SHANK2: variants seen among roughly 807,000 people sequenced by gnomAD.
SHANK2 encodes the protein SH3 and multiple ankyrin repeat domains 2, also known as SH3 and multiple ankyrin repeat domains protein 2.
In SHANK2, 43 loss-of-function variants were observed where a neutral mutation model predicts 133.7. The observed-to-expected ratio is 0.32, with a 90% confidence interval of 0.25 to 0.41. The LOEUF (loss-of-function observed/expected upper bound fraction) is 0.41, where lower values mean the gene tolerates loss of function less well. Among genes scored for constraint, SHANK2 ranks in the 10% least tolerant of loss-of-function variants. SHANK2 has a pLI of 1.00. For synonymous variants in SHANK2, 1,017 were observed against 952.8 expected (o/e 1.07, Z -1.24); for missense variants, 1,994 against 2,235.8 (o/e 0.89, Z 2.18).
intron 2 of SHANK2, among the ~76,000 whole-genome samples, chr11:71,155,275 G>A (rs1241616135): frequency 1.1e-5 from 1 of 94,910 alleles, no homozygotes; most frequent in South Asian, 4.3e-4. Context: ...CCCAGCCCAC[G>A]CTCCCAGAGG....
At position 71,168,400 on chromosome 11, in the gene SHANK2, G is replaced by A. The variant is rs1953231806; in HGVS notation, c.-12-21062C>T. The stretch of plus-strand genomic sequence containing the variant: ...AGACGATGGGCGGCCGGGCAGAGAC[G>A]CTCCTCACTTCCCAGACGGGGTGGC... On this transcript the variant is annotated intron_variant, in intron 2 of 25. Coordinates refer to ENST00000601538, the MANE Select transcript of SHANK2 (RefSeq NM_012309.5). Among the ~76,000 whole-genome samples, 4 of 151,480 alleles carry A rather than the reference G, an allele frequency of 2.6e-5. No individual in the cohort carries two copies. The South Asian group carries it at 8.4e-4, about 32-fold the overall frequency.
In SHANK2 at chr11:70,473,511, C is replaced by T. The variant is rs1555149366; in HGVS notation, c.4980-72G>A. 1 of 1,507,932 alleles carries T rather than the reference C, an allele frequency of 6.6e-7. No homozygotes were observed. The allele number at this position is 1,507,932 out of a possible 1,614,324, so 93.4% of individuals were successfully genotyped here. On this transcript the variant is annotated intron_variant, in intron 25 of 25. Coordinates refer to ENST00000601538, the MANE Select transcript of SHANK2 (RefSeq NM_012309.5). This position sits in a 1 kb window ranked among gnomAD's most constrained non-coding sequence, Gnocchi z 5.9. The stretch of plus-strand genomic sequence containing the variant: ...TCAGGGCAGCTGGCTGCAGATCACC[C>T]AGGAAGGCGAGGGAGACGCCCAAAC...
At chr11:70,477,577 G>A (rs1171034205) in intron 25 of SHANK2, 6 of 152,206 alleles carry the variant, frequency 3.9e-5, no homozygotes, top group African/African-American at 1.4e-4. Context: ...TACCTCAGGT[G>A]CCTGAACTGT....
At chr11:70,533,346 T>C (rs1455225663) in intron 17 of SHANK2, among the ~76,000 whole-genome samples, 1 of 152,230 alleles carries the variant, frequency 6.6e-6, no homozygotes, top group Non-Finnish European at 1.5e-5. Context: ...TGCCTTGGCC[T>C]CCCAAAGTGT....
At chr11:70,545,111 G>A (rs772941344) in intron 17 of SHANK2, among the ~76,000 whole-genome samples, 14 of 152,260 alleles carry the variant, frequency 9.2e-5, no homozygotes, top group African/African-American at 2.9e-4. Context: ...GAGGGGTTGC[G>A]CTCTGATTCC....
intron 4 of SHANK2, among the ~76,000 whole-genome samples, chr11:71,118,102 C>G (rs1389216506): frequency 3.9e-5 from 6 of 152,120 alleles, no homozygotes; most frequent in Non-Finnish European, 7.4e-5. Flanking sequence ...TAAAACCCCT[C>G]AGAGAAGCAT....
chr11:70,800,818 G>A (rs1948027773), intron 13 of SHANK2, among the ~76,000 whole-genome samples: 1 of 152,202 alleles, frequency 6.6e-6, no homozygotes. Flanking sequence ...GGGCTGCAAA[G>A]GGAGGCCAAG....
intron 3 of SHANK2, among the ~76,000 whole-genome samples, chr11:71,125,653 T>C (rs782553029): frequency 1.3e-5 from 2 of 152,198 alleles, no homozygotes; most frequent in Non-Finnish European, 2.9e-5. Context: ...CAAGTGCTGA[T>C]GGAGAAGCTG....
intron 17 of SHANK2, among the ~76,000 whole-genome samples, chr11:70,629,129 C>T (rs2060944077): frequency 6.6e-6 from 1 of 152,178 alleles, no homozygotes; most frequent in South Asian, 2.1e-4. Flanking sequence ...CCCGGGCACC[C>T]TCCCTCCTCT....
intron 1 of SHANK2, among the ~76,000 whole-genome samples, chr11:71,234,182 C>CT (rs1954792667): frequency 5.3e-5 from 2 of 37,652 alleles, no homozygotes; most frequent in Non-Finnish European, 7.9e-5. Context: ...TCCCTCTCTA[C>CT]TAAAAAAAAA....
chr11:71,098,219 CTGTG>C (rs551928433), intron 6 of SHANK2, among the ~76,000 whole-genome samples: 1 of 146,488 alleles, frequency 6.8e-6, no homozygotes, highest in African/African-American at 2.5e-5. Flanking sequence ...GTGTGCATGC[CTGTG>C]TGTCTACATG....
At position 70,698,748 on chromosome 11, in the gene SHANK2, C is replaced by A. The variant is rs568385491; in HGVS notation, c.1793G>T (p.Arg598Leu). The change falls in exon 15 of 26, where the codon CGC (arginine) becomes CTC (leucine). Residue 598 changes from arginine (R) to leucine (L), a missense_variant. Physicochemically the swap from Arg to Leu is moderately radical, Grantham distance 102 (BLOSUM62 -2). Around this residue, in one of 5 missense-constraint regions of SHANK2, gnomAD observed 653 missense variants for 563.4 expected, o/e 1.16. Transcript: ENST00000601538. ...RDSQAETRADRSKKLFRHYTV... is the reference protein window; with the variant it reads ...RDSQAETRADLSKKLFRHYTV... ...GTAGTGCCTGAAAAGCTTCTTGCTG[C>A]GGTCAGCGCGGGTTTCTGTACAGAG... The A allele has an allele frequency of 1.4e-6, 1 of 718,598 alleles. No homozygotes were observed. The highest frequency in any genetic ancestry group is 2.6e-6 in the Non-Finnish European group (1 of 385,086). 44.5% of individuals were successfully genotyped at this position (718,598 alleles called of 1,614,324 possible).
At position 70,485,591 on chromosome 11, in the gene SHANK2, C is replaced by T. The variant is rs1036290504; in HGVS notation, c.4702G>A (p.Val1568Met). 10 of 1,613,754 alleles carry T rather than the reference C, an allele frequency of 6.2e-6. No individual in the cohort carries two copies. The East Asian group carries it at 8.9e-5, about 14-fold the overall frequency. Residue 1568 changes from valine (V) to methionine (M), a missense_variant, in exon 25 of 26, where the codon GTG becomes ATG. By Grantham distance (21) the Val-to-Met change is conservative. Transcript: ENST00000601538. This position sits in a 1 kb window ranked among gnomAD's most constrained non-coding sequence, Gnocchi z 5.8. ...ACAAAGCTATCTACATCTTCTTCCA[C>T]GAGCGCGTCTTGATAAAGTGCATTG... ...KSNALYQDAL[V>M]EEDVDSFVIP...
intron 1 of SHANK2, among the ~76,000 whole-genome samples, chr11:71,242,536 C>T (rs944137204): frequency 3.9e-5 from 6 of 152,210 alleles, no homozygotes; most frequent in African/African-American, 1.4e-4. Context: ...CAGCTCACCC[C>T]GACCATCCTG....
intron 11 of SHANK2, among the ~76,000 whole-genome samples, chr11:70,827,729 AAC>A (rs1565345962): frequency 1.4e-5 from 2 of 141,734 alleles, no homozygotes; most frequent in Non-Finnish European, 3.1e-5. Context: ...ACACACACAC[AAC>A]CAGAGAAAGA....
At chr11:70,698,061 C>T (rs569152856) in intron 15 of SHANK2, 1 of 154,322 alleles carries the variant, frequency 6.5e-6, no homozygotes, top group Non-Finnish European at 1.4e-5. Context: ...TCAACCTCCC[C>T]ACAGAGACCC....
intron 11 of SHANK2, among the ~76,000 whole-genome samples, chr11:70,890,667 C>T (rs1321075815): frequency 1.3e-5 from 2 of 151,840 alleles, no homozygotes; most frequent in South Asian, 2.1e-4. Context: ...GGTATGGTAG[C>T]GCGTGCCTGT....
At chr11:70,782,243 G>A (rs1947514830) in intron 14 of SHANK2, among the ~76,000 whole-genome samples, 1 of 152,194 alleles carries the variant, frequency 6.6e-6, no homozygotes, top group Non-Finnish European at 1.5e-5. Flanking sequence ...TTTTAATAGA[G>A]ACAAGATTTT....
At position 70,807,068 on chromosome 11, in the gene SHANK2, C is replaced by T. The variant is rs782312697; in HGVS notation, c.1597G>A (p.Ala533Thr). 3.8e-5 allele frequency: 27 copies of T among 717,678 alleles called. No homozygotes were observed. Among genetic ancestry groups the T allele is most frequent in the South Asian group, 2.2e-4 (15 of 67,552 alleles). 44.5% of individuals were successfully genotyped at this position (717,678 alleles called of 1,614,324 possible). A position where few individuals can be genotyped will look rare whatever the true frequency, so the allele number is the denominator to read the frequency against. ...ACTTGGGGTTGGTATGGCTTGACAG[C>T]GACGAAGAGCCTCCCGGGCACGGCA... ...YSAVPGRLFV[A>T]VKPYQPQVDG... The change falls in exon 13 of 26, where the codon GCT becomes ACT. Residue 533 changes from alanine to threonine, a missense_variant. Physicochemically the swap from Ala to Thr is moderately conservative, Grantham distance 58 (BLOSUM62 0). Transcript: ENST00000601538. The surrounding 1 kb of genome is among the most constrained non-coding windows in gnomAD (Gnocchi z 4.8).
Sources: gnomAD v4.1 joint callset for allele counts (sites outside exome capture counted in the v4.1 genomes callset) on GRCh38, gnomAD v4.1.1 for gene constraint, gnomAD v4.1.1 regional missense constraint, Gnocchi (gnomAD v3.1) non-coding constraint, MANE v1.5 for transcripts, NCBI Gene and HGNC (gene_info 2026-07-23, HGNC 2026-07-21) for gene names.